Variants in LDAH observed in about 807,000 individuals in gnomAD.
LDAH encodes the protein lipid droplet-associated hydrolase.
LDAH carries 26 observed loss-of-function variants against 29.6 expected under a neutral mutation model. The ratio of observed to expected loss-of-function variants is 0.88; its 90% CI spans 0.64 to 1.22. The LOEUF is 1.22. Among genes scored for constraint, LDAH ranks in the 50% most tolerant of loss-of-function variants. The pLI, the probability that LDAH is intolerant of heterozygous loss-of-function variation, is 0.00. For missense variants in LDAH, 344 were observed against 387.3 expected (o/e 0.89, Z 0.94); for synonymous variants, 117 against 133.0 (o/e 0.88, Z 0.83).
intron 1 of LDAH, among the ~76,000 whole-genome samples, chr2:20,809,305 A>G (rs955178875): frequency 6.6e-6 from 1 of 152,074 alleles, no homozygotes; most frequent in Non-Finnish European, 1.5e-5. Flanking sequence ...AGGCTGAGGC[A>G]GAAGAATTAC....
At chr2:20,761,603 C>T (rs979583980) in intron 4 of LDAH, among the ~76,000 whole-genome samples, 1 of 152,020 alleles carries the variant, frequency 6.6e-6, no homozygotes, top group African/African-American at 2.4e-5. Flanking sequence ...TTAATATGGG[C>T]CCTGTAGGAT....
At chr2:20,782,055 T>TG (rs1384432492) in intron 3 of LDAH, among the ~76,000 whole-genome samples, 1 of 152,230 alleles carries the variant, frequency 6.6e-6, no homozygotes, top group East Asian at 1.9e-4. Flanking sequence ...TTCTACTGGT[T>TG]TTCCGTATCA....
At chr2:20,776,082 C>T (rs2125022641) in intron 3 of LDAH, among the ~76,000 whole-genome samples, 1 of 152,254 alleles carries the variant, frequency 6.6e-6, no homozygotes, top group Non-Finnish European at 1.5e-5. Flanking sequence ...ACAAGACAGT[C>T]AACTGTTTCC....
chr2:20,713,279 C>T (rs960586462), intron 5 of LDAH, among the ~76,000 whole-genome samples: 6 of 152,192 alleles, frequency 3.9e-5, no homozygotes, highest in African/African-American at 1.4e-4. Flanking sequence ...ATTTCATATA[C>T]AGCCAAACTA....
rs143912214 is a variant in LDAH, at chr2:20,689,206, G to A, written c.787-2112C>T. Among the ~76,000 whole-genome samples the A allele has an allele frequency of 6.0e-4, 92 of 152,302 alleles. No homozygotes were observed. In the East Asian group the frequency reaches 0.017, roughly 27 times the overall value. On this transcript the variant is annotated intron_variant, in intron 6 of 6. Transcript: ENST00000237822. ...TGACTGCATAGTATTCCAGCTTCAT[G>A]GAGGTTTTCTTGGTTGTTACCTGGG...
At chr2:20,807,841 T>A (rs1361926569) in intron 1 of LDAH, among the ~76,000 whole-genome samples, 1 of 150,446 alleles carries the variant, frequency 6.6e-6, no homozygotes, top group Non-Finnish European at 1.5e-5. Context: ...TCTCAGCCAA[T>A]GCAATAAGAA....
chr2:20,717,440 G>T (rs2149390068), intron 5 of LDAH, among the ~76,000 whole-genome samples: 1 of 152,224 alleles, frequency 6.6e-6, no homozygotes, highest in East Asian at 1.9e-4. Context: ...GACAAGAGCA[G>T]AAATTTCAGA....
rs1190992765 is a variant in LDAH, at chr2:20,687,055, T to C, written c.826A>G (p.Lys276Glu). The change falls in exon 7 of 7, where the codon AAA (lysine) becomes GAA (glutamate). Residue 276 changes from lysine (K) to glutamate (E), a missense_variant. Lys to Glu is a moderately conservative substitution (Grantham distance 56, BLOSUM62 1). Coordinates refer to ENST00000237822, the MANE Select transcript of LDAH (RefSeq NM_021925.4). ...YYGTIDPWCP[K>E]EYYEDIKKDF... ...TTCTTAATGTCTTCATAGTACTCTT[T>C]TGGACACCAAGGATCTATAGTACCA... 2 of 1,613,934 alleles carry C rather than the reference T, an allele frequency of 1.2e-6. No homozygotes were observed. The highest frequency in any genetic ancestry group is 2.2e-5 in the East Asian group (1 of 44,884).
chr2:20,753,525 C>T (rs1398920207), intron 4 of LDAH, among the ~76,000 whole-genome samples: 1 of 152,220 alleles, frequency 6.6e-6, no homozygotes, highest in South Asian at 2.1e-4. Flanking sequence ...GCAGTTTTTA[C>T]TTCTTCGTTT....
chr2:20,722,267 G>A (rs1159767872), intron 5 of LDAH, among the ~76,000 whole-genome samples: 2 of 151,822 alleles, frequency 1.3e-5, no homozygotes, highest in South Asian at 2.1e-4. Flanking sequence ...CTGGCTACTG[G>A]CGGGGGAAGG....
Position 20,790,349 on chromosome 2 carries a change from G to C in LDAH, c.204C>G (p.Tyr68Ter), listed in dbSNP as rs371220956. The stretch of plus-strand genomic sequence containing the variant: ...CTGGAAAGCGTCTGTTTGTCAAAGA[G>C]TATAAAGCCTTTGCAAATGGCACAT... ...AFYVPFAKAL[Y>*]SLTNRRFPVW... The change falls in exon 3 of 7, where the codon TAC becomes TAG. Residue 68 changes from tyrosine to a stop codon, truncating the protein, a stop_gained. Coordinates refer to ENST00000237822, the MANE Select transcript of LDAH (RefSeq NM_021925.4). LOFTEE classifies it high-confidence loss of function. 1.5e-5 allele frequency: 24 copies of C among 1,613,984 alleles called. No individual in the cohort carries two copies. The Admixed American group carries it at 3.8e-4, about 26-fold the overall frequency.
chr2:20,762,679 T>C lies in LDAH; in HGVS notation c.468+12131A>G, dbSNP rs990774597. ...TGTGGTAGGCACACACTTTTTGATATATTAGTTCTTCAGTGAATTATCTGT... is the reference window on the plus strand; with the variant it reads ...TGTGGTAGGCACACACTTTTTGATACATTAGTTCTTCAGTGAATTATCTGT... On this transcript the variant is annotated intron_variant, in intron 4 of 6. Transcript: ENST00000237822. 4.6e-5 allele frequency among the ~76,000 whole-genome samples: 7 copies of C among 152,234 alleles called. No homozygotes were observed. The East Asian group carries it at 5.8e-4, about 13-fold the overall frequency.
intron 1 of LDAH, among the ~76,000 whole-genome samples, chr2:20,808,257 CT>C (rs1672215043): frequency 2.0e-5 from 3 of 152,156 alleles, no homozygotes; most frequent in Non-Finnish European, 4.4e-5. Context: ...CAAATTAATT[CT>C]TAGATTTGTA....
At chr2:20,700,179 C>T (rs1487863680) in intron 6 of LDAH, among the ~76,000 whole-genome samples, 1 of 152,230 alleles carries the variant, frequency 6.6e-6, no homozygotes, top group African/African-American at 2.4e-5. Flanking sequence ...TCACATCGCT[C>T]AGTGACTGGA....
intron 5 of LDAH, among the ~76,000 whole-genome samples, chr2:20,721,138 C>T (rs1359125578): frequency 3.3e-5 from 5 of 152,116 alleles, no homozygotes; most frequent in African/African-American, 1.2e-4. Flanking sequence ...GGGATTACAC[C>T]AAGCTAAAAA....
intron 5 of LDAH, among the ~76,000 whole-genome samples, chr2:20,725,961 A>G (rs1207722299): frequency 6.6e-6 from 1 of 152,188 alleles, no homozygotes; most frequent in African/African-American, 2.4e-5. Flanking sequence ...CACTGTTGAG[A>G]TGTTATTTAC....
At chr2:20,728,792 TAC>T (rs1265520511) in intron 5 of LDAH, among the ~76,000 whole-genome samples, 1 of 151,802 alleles carries the variant, frequency 6.6e-6, no homozygotes, top group Non-Finnish European at 1.5e-5. Flanking sequence ...TACCCAAGGT[TAC>T]ACACACTGGG....
At chr2:20,716,962 T>C (rs1210750894) in intron 5 of LDAH, among the ~76,000 whole-genome samples, 1 of 152,118 alleles carries the variant, frequency 6.6e-6, no homozygotes, top group African/African-American at 2.4e-5. Context: ...TGTTTTAAGA[T>C]ACTAAGCTTG....
At chr2:20,764,278 G>T (rs968398963) in intron 4 of LDAH, among the ~76,000 whole-genome samples, 2 of 152,214 alleles carry the variant, frequency 1.3e-5, no homozygotes, top group Non-Finnish European at 2.9e-5. Flanking sequence ...CAAACTTAGA[G>T]TAAGAGACTT....
Sources: gnomAD v4.1 joint callset for allele counts (sites outside exome capture counted in the v4.1 genomes callset) on GRCh38, gnomAD v4.1.1 for gene constraint, MANE v1.5 for transcripts, NCBI Gene and HGNC (gene_info 2026-07-23, HGNC 2026-07-21) for gene names.